RASGRF1: variants seen among roughly 807,000 people sequenced by gnomAD.
RASGRF1 encodes Ras protein specific guanine nucleotide releasing factor 1, also known as ras-specific guanine nucleotide-releasing factor 1.
Under a neutral mutation model 138.7 loss-of-function variants are expected in RASGRF1, and 40 were observed. That is an observed-to-expected ratio of 0.29 (90% CI 0.22 to 0.38). The LOEUF (loss-of-function observed/expected upper bound fraction) is 0.38, where lower values mean the gene tolerates loss of function less well. Ranked by LOEUF, RASGRF1 falls within the 10% of genes least tolerant of loss-of-function variation. RASGRF1 has a pLI of 1.00. For missense variants in RASGRF1, 1,108 were observed against 1,650.4 expected (o/e 0.67, Z 5.69); for synonymous variants, 614 against 663.2 (o/e 0.93, Z 1.14).
chr15:79,089,942 C>A (rs548586161), intron 1 of RASGRF1, among the ~76,000 whole-genome samples: 1 of 152,352 alleles, frequency 6.6e-6, no homozygotes, highest in South Asian at 2.1e-4. Flanking sequence ...CTCTGCATCT[C>A]CAGGTGTCGG....
intron 13 of RASGRF1, among the ~76,000 whole-genome samples, chr15:79,015,125 A>C (rs1409021162): frequency 6.6e-6 from 1 of 152,140 alleles, no homozygotes; most frequent in East Asian, 1.9e-4. Flanking sequence ...AAAAAACCCA[A>C]AAAACTAAGC....
chr15:79,066,352 G>A (rs2057680413), intron 1 of RASGRF1, among the ~76,000 whole-genome samples: 1 of 152,194 alleles, frequency 6.6e-6, no homozygotes, highest in South Asian at 2.1e-4. Context: ...GCCTGCTCAG[G>A]CCCTGGGCTT....
At chr15:79,088,472 C>G (rs1276520705) in intron 1 of RASGRF1, among the ~76,000 whole-genome samples, 2 of 152,224 alleles carry the variant, frequency 1.3e-5, no homozygotes, top group Admixed American at 1.3e-4. Flanking sequence ...TAACTGAAGT[C>G]ACACAGCCAG....
intron 12 of RASGRF1, 105 bp downstream of exon 12, chr15:79,017,665 G>A (rs1296180605): frequency 3.7e-6 from 5 of 1,351,926 alleles, no homozygotes; most frequent in Admixed American, 4.8e-5. Context: ...GTAGAACAGT[G>A]CAGCTACTCC....
At chr15:78,974,344 C>T (rs2055831038) in intron 24 of RASGRF1, among the ~76,000 whole-genome samples, 1 of 152,190 alleles carries the variant, frequency 6.6e-6, no homozygotes, top group African/African-American at 2.4e-5. Flanking sequence ...ACCCTTATTC[C>T]CAGCCCATCT....
intron 23 of RASGRF1, 39 bp downstream of exon 23, chr15:78,984,968 A>G (rs1311656493): frequency 6.3e-7 from 1 of 1,594,612 alleles, no homozygotes; most frequent in South Asian, 1.1e-5. Flanking sequence ...GCCCCAATCC[A>G]GCCCCAGGGA....
At chr15:79,035,357 T>A in intron 5 of RASGRF1, 147 bp from the exon 6 acceptor site, 1 of 628,752 alleles carries the variant, frequency 1.6e-6, no homozygotes, top group Non-Finnish European at 2.8e-6. Context: ...GCAGGATGGA[T>A]CATATAATCT....
rs562987707 is a variant in RASGRF1, at chr15:78,964,659, C to A, written c.3682-2423G>T. Among the ~76,000 whole-genome samples, 203 of 152,308 alleles carry A rather than the reference C, an allele frequency of 1.3e-3. 1 individual carries two copies. Among genetic ancestry groups the A allele is most frequent in the African/African-American group, 4.8e-3 (199 of 41,560 alleles). ...GTGGTTCTCAGGCTGGATGAACACA[C>A]AAACACAGACCCTCAAATACTGCTG... On this transcript the variant is annotated intron_variant, in intron 26 of 26. Transcript: ENST00000558480.
intron 1 of RASGRF1, among the ~76,000 whole-genome samples, chr15:79,065,037 C>T (rs910380129): frequency 1.3e-5 from 2 of 152,206 alleles, no homozygotes; most frequent in Non-Finnish European, 2.9e-5. Flanking sequence ...AGAACCATGC[C>T]AACCATGGGC....
rs1258728243 is a variant in RASGRF1 at position 78,978,416 on chromosome 15, G to C, written c.3494+2204C>G. The C allele has an allele frequency of 4.5e-6, 3 of 660,136 alleles. No individual in the cohort carries two copies. The East Asian group carries it at 4.1e-4, about 90-fold the overall frequency. The allele number at this position is 660,136 out of a possible 1,614,324, so 40.9% of individuals were successfully genotyped here. A position where few individuals can be genotyped will look rare whatever the true frequency, so the allele number is the denominator to read the frequency against. ...ATTTTTGTATTTTCAGTAGAGACAG[G>C]GTTTTGCCATGTTGGCAAGGTTGGT... On this transcript the variant is annotated intron_variant, in intron 24 of 26. Coordinates refer to ENST00000558480, the MANE Select transcript of RASGRF1 (RefSeq NM_001145648.3).
intron 1 of RASGRF1, among the ~76,000 whole-genome samples, chr15:79,071,526 ATTT>A (rs60329515): frequency 7.1e-6 from 1 of 141,306 alleles, no homozygotes; most frequent in African/African-American, 2.6e-5. Context: ...TGCCCGGCTA[ATTT>A]TTTTTTTTTT....
At position 79,050,427 on chromosome 15, in the gene RASGRF1, T is replaced by C. The variant is rs2057415548; in HGVS notation, c.532-839A>G. On this transcript the variant is annotated intron_variant, in intron 3 of 26. Transcript: ENST00000558480. This position sits in a 1 kb window ranked among gnomAD's most constrained non-coding sequence, Gnocchi z 4.1. ...TGGGCATCTAGGTAATCCCTTTATT[T>C]TTCAAACAAAATTGTATCTGGATAT... Among the ~76,000 whole-genome samples the C allele has an allele frequency of 6.6e-6, 1 of 152,218 alleles. No homozygotes were observed. The highest frequency in any genetic ancestry group is 2.1e-4 in the South Asian group (1 of 4,830).
intron 5 of RASGRF1, among the ~76,000 whole-genome samples, chr15:79,045,620 A>C (rs1489746564): frequency 6.6e-6 from 1 of 152,092 alleles, no homozygotes; most frequent in Non-Finnish European, 1.5e-5. Context: ...GCTTGCCCAC[A>C]TCTATGGTGT....
intron 13 of RASGRF1, among the ~76,000 whole-genome samples, chr15:79,012,102 T>C (rs2056807317): frequency 6.6e-6 from 1 of 152,130 alleles, no homozygotes; most frequent in African/African-American, 2.4e-5. Flanking sequence ...GCCTCTAGAA[T>C]AGTTTGTCTG....
intron 5 of RASGRF1, among the ~76,000 whole-genome samples, chr15:79,045,844 G>T: frequency 6.6e-6 from 1 of 152,244 alleles, no homozygotes; most frequent in East Asian, 1.9e-4. Context: ...AGGGCTTGGA[G>T]AAAAGGCTGG....
intron 14 of RASGRF1, chr15:79,005,210 G>C (rs2056642713): frequency 1.0e-6 from 1 of 985,394 alleles, no homozygotes; most frequent in Non-Finnish European, 1.2e-6. Context: ...GGCAGGAGGA[G>C]GGAACAGAAG....
At chr15:79,087,676 C>A (rs2057999374) in intron 1 of RASGRF1, among the ~76,000 whole-genome samples, 1 of 152,220 alleles carries the variant, frequency 6.6e-6, no homozygotes, top group Non-Finnish European at 1.5e-5. Context: ...ATGGGGCACC[C>A]AAGTCAAAGA....
chr15:79,064,440 C>T lies in RASGRF1; in HGVS notation c.363G>A (p.Val121=). Residue 121 remains valine (V), a synonymous_variant, in exon 2 of 27, where the codon GTG becomes GTA. Coordinates refer to ENST00000558480, the MANE Select transcript of RASGRF1 (RefSeq NM_001145648.3). ...CATACCTGGCATGTGCAATGGCTGC[C>T]ACCCATTCGTCACAATCTTTTGCGT... ...TEDAKDCDEW[V]AAIAHASYRT... 2 of 1,614,168 alleles carry T rather than the reference C, an allele frequency of 1.2e-6. No homozygotes were observed. The highest frequency in any genetic ancestry group is 2.2e-5 in the South Asian group (2 of 91,084).
chr15:78,960,474 G>A lies in RASGRF1; in HGVS notation c.*1670C>T, dbSNP rs116665059. Reference sequence around the variant, plus strand: ...AGCCCAAGCCACACAGAGAGGCCACGTGTGGATGCTCCCATGAACAGCCCC... The same window carrying A: ...AGCCCAAGCCACACAGAGAGGCCACATGTGGATGCTCCCATGAACAGCCCC... On this transcript the variant is annotated 3_prime_UTR_variant, in exon 27 of 27. Coordinates refer to ENST00000558480, the MANE Select transcript of RASGRF1 (RefSeq NM_001145648.3). 1,979 of 152,418 alleles carry A rather than the reference G, an allele frequency of 0.013. 36 individuals are homozygous for A. Among genetic ancestry groups the A allele is most frequent in the African/African-American group, 0.043 (1,799 of 41,564 alleles). 9.4% of individuals were successfully genotyped at this position (152,418 alleles called of 1,614,324 possible).
Sources: allele counts gnomAD v4.1 joint callset (sites outside exome capture counted in the v4.1 genomes callset), GRCh38; gene constraint gnomAD v4.1.1; non-coding constraint Gnocchi (gnomAD v3.1); transcripts MANE v1.5; gene names NCBI Gene and HGNC (gene_info 2026-07-23, HGNC 2026-07-21).